The following WASF1 variants were observed in gnomAD, a reference collection of about 807,000 sequenced individuals.
The protein encoded by WASF1 is WASP family member 1.
Under a neutral mutation model 50.5 loss-of-function variants are expected in WASF1, and 7 were observed. The ratio of observed to expected loss-of-function variants is 0.14; its 90% CI spans 0.08 to 0.26. WASF1 has a LOEUF of 0.26. Among genes scored for constraint, WASF1 ranks in the 10% least tolerant of loss-of-function variants. The pLI is 1.00. For synonymous variants in WASF1, 205 were observed against 244.0 expected (o/e 0.84, Z 1.49); for missense variants, 470 against 694.7 (o/e 0.68, Z 3.64).
At chr6:110,114,563 ACT>A (rs944639835) in intron 4 of WASF1, among the ~76,000 whole-genome samples, 2 of 152,132 alleles carry the variant, frequency 1.3e-5, no homozygotes, top group African/African-American at 4.8e-5. Flanking sequence ...ATACATACAG[ACT>A]CTAACATGAT....
chr6:110,149,236 T>A (rs1481228084), intron 3 of WASF1, among the ~76,000 whole-genome samples: 1 of 152,058 alleles, frequency 6.6e-6, no homozygotes, highest in Non-Finnish European at 1.5e-5. Context: ...CATTTCATTA[T>A]TCTGTATGGC....
At chr6:110,103,273 C>T in intron 9 of WASF1, 105 bp downstream of exon 9, 1 of 1,287,552 alleles carries the variant, frequency 7.8e-7, no homozygotes, top group East Asian at 2.4e-5. Context: ...GTACTTGTGA[C>T]AAAAACTGTA....
At chr6:110,149,372 G>A (rs1327892037) in intron 3 of WASF1, among the ~76,000 whole-genome samples, 2 of 151,180 alleles carry the variant, frequency 1.3e-5, no homozygotes, top group Admixed American at 6.6e-5. Flanking sequence ...CTAGAATAGA[G>A]AGCCAGGGTA....
intron 5 of WASF1, among the ~76,000 whole-genome samples, chr6:110,112,169 G>A (rs1401526093): frequency 1.3e-5 from 2 of 151,070 alleles, no homozygotes; most frequent in East Asian, 3.9e-4. Context: ...TATTTTTATT[G>A]TTAAAGTTTA....
At chr6:110,130,308 G>A (rs1015048783) in intron 3 of WASF1, among the ~76,000 whole-genome samples, 1 of 152,104 alleles carries the variant, frequency 6.6e-6, no homozygotes, top group Non-Finnish European at 1.5e-5. Context: ...CCAATTGCCA[G>A]AACCCGTCCA....
intron 4 of WASF1, among the ~76,000 whole-genome samples, chr6:110,122,078 T>A (rs959214880): frequency 6.6e-6 from 1 of 151,978 alleles, no homozygotes; most frequent in Non-Finnish European, 1.5e-5. Context: ...AAAAAATACC[T>A]AATGTAAATG....
At chr6:110,141,893 T>C (rs1775257573) in intron 3 of WASF1, among the ~76,000 whole-genome samples, 1 of 151,996 alleles carries the variant, frequency 6.6e-6, no homozygotes, top group Admixed American at 6.6e-5. Flanking sequence ...TGCCTCAGAC[T>C]CCTGAGTAGC....
chr6:110,103,292 A>C, intron 9 of WASF1, 86 bp downstream of exon 9: 1 of 1,466,516 alleles, frequency 6.8e-7, no homozygotes, highest in Non-Finnish European at 9.1e-7. Context: ...TAAGGCCCGA[A>C]AGCCAAAAAT....
chr6:110,124,191 G>GTCTCTCTC (rs759865889), intron 4 of WASF1, among the ~76,000 whole-genome samples: 1 of 91,276 alleles, frequency 1.1e-5, no homozygotes, highest in Non-Finnish European at 2.1e-5. Context: ...CCCCATCAGC[G>GTCTCTCTC]TCTCTCTCTC....
chr6:110,121,128 C>A (rs549509024), intron 4 of WASF1, among the ~76,000 whole-genome samples: 29 of 152,242 alleles, frequency 1.9e-4, no homozygotes, highest in African/African-American at 7.0e-4. Flanking sequence ...TAGGCATGGG[C>A]AAACACTTCA....
chr6:110,176,970 A>G (rs1460635988), intron 2 of WASF1, among the ~76,000 whole-genome samples: 1 of 152,104 alleles, frequency 6.6e-6, no homozygotes, highest in African/African-American at 2.4e-5. Flanking sequence ...CCAATAAGGA[A>G]ATCACAAGGT....
intron 3 of WASF1, among the ~76,000 whole-genome samples, chr6:110,142,998 GTTTA>G (rs1226646846): frequency 7.3e-6 from 1 of 136,788 alleles, no homozygotes; most frequent in Non-Finnish European, 1.6e-5. Context: ...AAGTTTCTTC[GTTTA>G]TTTTCCTGTG....
In WASF1 at chr6:110,108,649, A is replaced by G; in HGVS notation, c.301T>C (p.Phe101Leu). The change falls in exon 6 of 11, where the codon TTC becomes CTC. Residue 101 changes from phenylalanine to leucine, a missense_variant. Around this residue, in one of 3 missense-constraint regions of WASF1, gnomAD observed 140 missense variants for 260.5 expected, o/e 0.54. Transcript: ENST00000392589. ...TGGTCTTGAATTGTAGAACTTCGGA[A>G]AGCTTTCCTCATTGTTATATCTTGC... The part of the protein sequence containing the change: ...SLQDITMRKA[F>L]RSSTIQDQQL... The G allele has an allele frequency of 6.2e-7, 1 of 1,614,052 alleles. No homozygotes were observed. Among genetic ancestry groups the G allele is most frequent in the Non-Finnish European group, 8.5e-7 (1 of 1,179,936 alleles).
Position 110,100,471 on chromosome 6 carries a change from C to A in WASF1, c.*51G>T, listed in dbSNP as rs757907139. 9 of 1,531,784 alleles carry A rather than the reference C, an allele frequency of 5.9e-6. No individual in the cohort carries two copies. Among genetic ancestry groups the A allele is most frequent in the Non-Finnish European group, 8.0e-6 (9 of 1,130,188 alleles). 94.9% of individuals were successfully genotyped at this position (1,531,784 alleles called of 1,614,324 possible). ...ACCAAACATTTTCAAGGAACAAGCA[C>A]CACAAAGGACATTTGCATTCAGTTT... On this transcript the variant is annotated 3_prime_UTR_variant, in exon 11 of 11. Transcript: ENST00000392589.
intron 3 of WASF1, among the ~76,000 whole-genome samples, chr6:110,139,691 T>C (rs1305301400): frequency 1.3e-5 from 2 of 152,170 alleles, no homozygotes; most frequent in Non-Finnish European, 2.9e-5. Context: ...CCCACACCAC[T>C]GCTTTAAGAA....
chr6:110,144,890 C>T (rs1170639085), intron 3 of WASF1, among the ~76,000 whole-genome samples: 6 of 152,068 alleles, frequency 3.9e-5, no homozygotes, highest in African/African-American at 9.7e-5. Flanking sequence ...AGTCAGGTAG[C>T]GTGACGCCTC....
chr6:110,174,808 T>A (rs1276348976), intron 2 of WASF1, among the ~76,000 whole-genome samples: 1 of 152,142 alleles, frequency 6.6e-6, no homozygotes, highest in Admixed American at 6.5e-5. Context: ...CCAATGCATA[T>A]GACAAAAATA....
At chr6:110,146,528 A>G (rs1322960744) in intron 3 of WASF1, among the ~76,000 whole-genome samples, 1 of 151,652 alleles carries the variant, frequency 6.6e-6, no homozygotes, top group Non-Finnish European at 1.5e-5. Context: ...AAATATATCT[A>G]ATTTTTTATT....
At chr6:110,107,687 C>A (rs937934567) in intron 6 of WASF1, among the ~76,000 whole-genome samples, 1 of 152,204 alleles carries the variant, frequency 6.6e-6, no homozygotes, top group African/African-American at 2.4e-5. Flanking sequence ...CTTACAATTT[C>A]AAATAACTCT....
Sources: allele counts gnomAD v4.1 joint callset (sites outside exome capture counted in the v4.1 genomes callset), GRCh38; gene constraint gnomAD v4.1.1; regional missense constraint gnomAD v4.1.1; transcripts MANE v1.5; gene names NCBI Gene and HGNC (gene_info 2026-07-23, HGNC 2026-07-21).